Variants in ADCK1 observed in about 807,000 individuals in gnomAD.
ADCK1 encodes the protein aarF domain containing kinase 1, also known as aarF domain-containing protein kinase 1.
Under a neutral mutation model 52.3 loss-of-function variants are expected in ADCK1, and 41 were observed. The ratio of observed to expected loss-of-function variants is 0.78; its 90% CI spans 0.61 to 1.02. The LOEUF is 1.02. Among genes scored for constraint, ADCK1 ranks in the 50% least tolerant of loss-of-function variants. The pLI is 0.00. For missense variants in ADCK1, 658 were observed against 679.5 expected, an observed-to-expected ratio of 0.97 and a Z score of 0.35; for synonymous variants, 250 against 274.6, an observed-to-expected ratio of 0.91 and a Z score of 0.89.
chr14:77,860,405 A>T (rs2082518725), intron 4 of ADCK1, among the ~76,000 whole-genome samples: 1 of 152,222 alleles, frequency 6.6e-6, no homozygotes, highest in Admixed American at 6.5e-5. Flanking sequence ...TTTGATAAAG[A>T]CCAGTGGTTC....
intron 1 of ADCK1, among the ~76,000 whole-genome samples, chr14:77,816,904 T>TATATATATATATATATATATATATATA (rs1555346949): frequency 2.2e-4 from 14 of 64,168 alleles, no homozygotes; most frequent in Non-Finnish European, 3.8e-4. Context: ...ATATATATAT[T>TATATATATATATATATATATATATATA]TAAAAAATGT....
In ADCK1 at chr14:77,925,854, C is replaced by A. The variant is rs199682998; in HGVS notation, c.1099C>A (p.Arg367=). The A allele has an allele frequency of 1.2e-6, 2 of 1,614,206 alleles. No homozygotes were observed. The highest frequency in any genetic ancestry group is 1.7e-5 in the Admixed American group (1 of 60,024). ...DMKRVKEYSQ[R]LGAGDLYPLF... ...GAAGAGAGTGAAGGAGTACAGCCAG[C>A]GACTGGGAGCCGGGGATCTCTACCC... Residue 367 remains arginine, a synonymous_variant, in exon 9 of 11, where the codon CGA becomes AGA. Coordinates refer to ENST00000238561, the MANE Select transcript of ADCK1 (RefSeq NM_020421.4).
intron 7 of ADCK1, among the ~76,000 whole-genome samples, chr14:77,915,259 T>C (rs1486712801): frequency 6.6e-6 from 1 of 152,010 alleles, no homozygotes; most frequent in Non-Finnish European, 1.5e-5. Context: ...TGTATACATG[T>C]GCCATGTTGG....
chr14:77,926,639 C>A (rs1038712679), intron 9 of ADCK1, among the ~76,000 whole-genome samples: 5 of 152,214 alleles, frequency 3.3e-5, no homozygotes, highest in African/African-American at 1.2e-4. Flanking sequence ...CATCACCATG[C>A]CTGGCTAATT....
At chr14:77,933,076 T>A in intron 10 of ADCK1, 144 bp from the exon 11 acceptor site, 2 of 734,364 alleles carry the variant, frequency 2.7e-6, no homozygotes, top group Admixed American at 5.6e-5. Context: ...TGGTATAGTA[T>A]GATCCTGTAT....
intron 4 of ADCK1, among the ~76,000 whole-genome samples, chr14:77,873,977 A>G (rs548953471): frequency 5.3e-5 from 8 of 152,368 alleles, no homozygotes; most frequent in South Asian, 2.1e-4. Context: ...ATCAGGATCA[A>G]GTACTCTAAC....
At chr14:77,894,466 A>G (rs919725316) in intron 5 of ADCK1, among the ~76,000 whole-genome samples, 8 of 152,056 alleles carry the variant, frequency 5.3e-5, no homozygotes, top group Non-Finnish European at 1.0e-4. Flanking sequence ...TGAGCTTCCT[A>G]TTGTATTGTC....
At chr14:77,840,917 G>A (rs1343094192) in intron 3 of ADCK1, among the ~76,000 whole-genome samples, 22 of 134,364 alleles carry the variant, frequency 1.6e-4, no homozygotes, top group Non-Finnish European at 3.4e-4. Flanking sequence ...AGGGAAGAGG[G>A]AGGGAGGGAG....
At chr14:77,859,626 G>T (rs2082500590) in intron 4 of ADCK1, among the ~76,000 whole-genome samples, 1 of 152,176 alleles carries the variant, frequency 6.6e-6, no homozygotes, top group African/African-American at 2.4e-5. Context: ...ATCCCATCTG[G>T]TTTCAACCTA....
intron 1 of ADCK1, among the ~76,000 whole-genome samples, chr14:77,801,755 C>T (rs917574105): frequency 6.6e-6 from 1 of 152,116 alleles, no homozygotes; most frequent in African/African-American, 2.4e-5. Context: ...GCCTGGCCAA[C>T]ATGGTGAAAC....
At chr14:77,867,125 G>T (rs1318435804) in intron 4 of ADCK1, among the ~76,000 whole-genome samples, 3 of 152,190 alleles carry the variant, frequency 2.0e-5, no homozygotes, top group African/African-American at 4.8e-5. Flanking sequence ...TCCCATGCTG[G>T]CAGGGTCCAG....
chr14:77,892,118 A>C (rs1166791656), intron 5 of ADCK1, among the ~76,000 whole-genome samples: 1 of 151,876 alleles, frequency 6.6e-6, no homozygotes, highest in East Asian at 1.9e-4. Context: ...ACTGTTGTAC[A>C]CTCTCCTCTG....
At chr14:77,847,150 T>G (rs2082187879) in intron 3 of ADCK1, among the ~76,000 whole-genome samples, 1 of 152,038 alleles carries the variant, frequency 6.6e-6, no homozygotes, top group Non-Finnish European at 1.5e-5. Flanking sequence ...TGCAAGGGCC[T>G]GGGGGCAGGG....
chr14:77,818,795 A>G (rs945941080), intron 1 of ADCK1, among the ~76,000 whole-genome samples, 173 bp from the exon 2 acceptor site: 3 of 152,158 alleles, frequency 2.0e-5, no homozygotes, highest in Non-Finnish European at 4.4e-5. Flanking sequence ...TTTTATCCCA[A>G]CTACTTTTGA....
chr14:77,926,024 G>A, intron 9 of ADCK1, 63 bp downstream of exon 9: 1 of 1,591,042 alleles, frequency 6.3e-7, no homozygotes, highest in Non-Finnish European at 8.6e-7. Flanking sequence ...GAGGTGGCCT[G>A]TGGACCCCTT....
At chr14:77,864,688 T>G (rs2082626094) in intron 4 of ADCK1, among the ~76,000 whole-genome samples, 1 of 151,866 alleles carries the variant, frequency 6.6e-6, no homozygotes, top group Non-Finnish European at 1.5e-5. Flanking sequence ...CATGTTTGCT[T>G]GTGTGTGTGT....
At chr14:77,861,027 C>T (rs556270315) in intron 4 of ADCK1, among the ~76,000 whole-genome samples, 2 of 152,216 alleles carry the variant, frequency 1.3e-5, no homozygotes, top group East Asian at 1.9e-4. Flanking sequence ...CATGGTGGCC[C>T]ACCCAGCTGG....
chr14:77,804,774 G>C (rs2081183974), intron 1 of ADCK1, among the ~76,000 whole-genome samples: 1 of 152,152 alleles, frequency 6.6e-6, no homozygotes, highest in Admixed American at 6.6e-5. Flanking sequence ...CTTTTGGAGC[G>C]CCCCCTATGT....
rs35687694 is a variant in ADCK1, at chr14:77,928,465, A to ATT, written c.1206+2517_1206+2518dup. Among the ~76,000 whole-genome samples, 8 of 144,540 alleles carry ATT rather than the reference A, an allele frequency of 5.5e-5. No homozygotes were observed. In the East Asian group the frequency reaches 1.0e-3, roughly 18 times the overall value. 94.8% of individuals were successfully genotyped at this position (144,540 alleles called of 152,430 possible). On this transcript the variant is annotated intron_variant, in intron 9 of 10. Transcript: ENST00000238561. ...AACTAAGATAGAATTTTGTTTTTGCATTTTTTTTTTTTTTGAGACAGAGTC... is the reference window on the plus strand; with the variant it reads ...AACTAAGATAGAATTTTGTTTTTGCATTTTTTTTTTTTTTTTGAGACAGAGTC...
Sources: gnomAD v4.1 joint callset for allele counts (sites outside exome capture counted in the v4.1 genomes callset) on GRCh38, gnomAD v4.1.1 for gene constraint, MANE v1.5 for transcripts, NCBI Gene and HGNC (gene_info 2026-07-23, HGNC 2026-07-21) for gene names.